CCDC200: variants seen among roughly 807,000 people sequenced by gnomAD.
CCDC200 encodes coiled-coil domain-containing protein 200.
chr17:43,227,512 T>A (rs1454650865), intron 1 of CCDC200, among the ~76,000 whole-genome samples: 1 of 151,664 alleles, frequency 6.6e-6, no homozygotes, highest in African/African-American at 2.4e-5. Flanking sequence ...TGAGACAGAG[T>A]CTCACTCTGT....
intron 3 of CCDC200, among the ~76,000 whole-genome samples, chr17:43,222,046 C>T (rs2154582700): frequency 6.6e-6 from 1 of 151,950 alleles, no homozygotes; most frequent in African/African-American, 2.4e-5. Context: ...AGGTGGAGTG[C>T]AGCTGAGATC....
chr17:43,221,769 C>A (rs2057535170), intron 3 of CCDC200, among the ~76,000 whole-genome samples, 172 bp from the exon 4 acceptor site: 1 of 152,150 alleles, frequency 6.6e-6, no homozygotes, highest in African/African-American at 2.4e-5. Context: ...TCAGAGACAC[C>A]TTTCCAATGC....
At chr17:43,224,617 C>G (rs1345594323) in intron 1 of CCDC200, 68 bp from the exon 2 acceptor site, 1 of 152,700 alleles carries the variant, frequency 6.5e-6, no homozygotes, top group Non-Finnish European at 1.5e-5. Context: ...GCCAGAGAAA[C>G]TTCAGGGAAC....
intron 3 of CCDC200, among the ~76,000 whole-genome samples, chr17:43,223,246 A>ATTTTTTTTTTT (rs1382906549): frequency 2.1e-3 from 175 of 84,752 alleles, no homozygotes; most frequent in South Asian, 3.9e-3. Flanking sequence ...ATTTTTTTCA[A>ATTTTTTTTTTT]TTTTTTTTTT....
At chr17:43,221,964 A>G (rs2057536649) in intron 3 of CCDC200, among the ~76,000 whole-genome samples, 1 of 151,936 alleles carries the variant, frequency 6.6e-6, no homozygotes, top group Non-Finnish European at 1.5e-5. Flanking sequence ...GCGTGGTGGT[A>G]CATGCCTGTA....
chr17:43,225,661 TAA>T (rs1295343254), intron 1 of CCDC200, among the ~76,000 whole-genome samples: 4 of 20,186 alleles, frequency 2.0e-4, no homozygotes, highest in Non-Finnish European at 3.6e-4. Flanking sequence ...AGACTCCGTC[TAA>T]AAAAAAAAAA....
rs1133320 is a variant in CCDC200, at chr17:43,223,574, A to G, written c.462T>C (p.Thr154=). ...ATCTTACCTTGAGTTGTGAATACCCAGTGTTTCTGATGGGGCTAGATTGGC... is the reference window on the plus strand; with the variant it reads ...ATCTTACCTTGAGTTGTGAATACCCGGTGTTTCTGATGGGGCTAGATTGGC... ...NPCQSSPIRN[T]GYSQLKSTNY... The change falls in exon 3 of 4, where the codon ACT becomes ACC. Residue 154 remains threonine (T), a synonymous_variant. Coordinates refer to ENST00000636331, the MANE Select transcript of CCDC200 (RefSeq NM_001363254.2). The G allele has an allele frequency of 0.32, 48,031 of 151,458 alleles. 7,975 individuals carry two copies. The highest frequency in any genetic ancestry group is 0.49 in the South Asian group (2,360 of 4,776). 9.4% of individuals were successfully genotyped at this position (151,458 alleles called of 1,614,324 possible). A position where few individuals can be genotyped will look rare whatever the true frequency, so the allele number is the denominator to read the frequency against.
chr17:43,224,083 G>A (rs1301523382), intron 2 of CCDC200, 151 bp downstream of exon 2: 1 of 152,640 alleles, frequency 6.6e-6, no homozygotes, highest in East Asian at 1.9e-4. Flanking sequence ...TACAGGGCCG[G>A]GATGGAAGCA....
At chr17:43,223,885 CCT>C (rs962899277) in intron 2 of CCDC200, 5 of 152,410 alleles carry the variant, frequency 3.3e-5, no homozygotes, top group African/African-American at 1.2e-4. Context: ...ACCCCCACCT[CCT>C]CTGTCACGCT....
chr17:43,223,165 C>T (rs1003111438), intron 3 of CCDC200, among the ~76,000 whole-genome samples: 3 of 151,752 alleles, frequency 2.0e-5, no homozygotes, highest in Non-Finnish European at 4.4e-5. Flanking sequence ...GATCCTCTCA[C>T]CTTGATCTCC....
At chr17:43,222,551 C>CGCTGAGCAATAGGCCATCCAT (rs1385239285) in intron 3 of CCDC200, among the ~76,000 whole-genome samples, 4 of 151,456 alleles carry the variant, frequency 2.6e-5, no homozygotes, top group Non-Finnish European at 4.4e-5. Context: ...TTATGGATAG[C>CGCTGAGCAATAGGCCATCCAT]GCTGAGCAAT....
upstream of CCDC200, among the ~76,000 whole-genome samples, chr17:43,230,655 T>G (rs796939626): frequency 3.7e-5 from 1 of 27,176 alleles, no homozygotes; most frequent in African/African-American, 7.9e-5. Context: ...CCAGCCTGGG[T>G]GACAGAGCAA....
At chr17:43,230,681 A>G, upstream of CCDC200, among the ~76,000 whole-genome samples, 1 of 10,466 alleles carries the variant, frequency 9.6e-5, no homozygotes, top group East Asian at 0.17. Context: ...TGTCTCTGAA[A>G]AAAAAAAAAA....
intron 1 of CCDC200, among the ~76,000 whole-genome samples, chr17:43,225,659 T>TC (rs2057562071): frequency 2.2e-5 from 1 of 44,794 alleles, no homozygotes; most frequent in Non-Finnish European, 8.7e-5. Context: ...TGAGACTCCG[T>TC]CTAAAAAAAA....
At chr17:43,222,502 C>T (rs550809651) in intron 3 of CCDC200, among the ~76,000 whole-genome samples, 55 of 152,118 alleles carry the variant, frequency 3.6e-4, no homozygotes, top group Non-Finnish European at 6.8e-4. Context: ...ATTCAGTCCT[C>T]ATGCCACCTC....
intron 3 of CCDC200, among the ~76,000 whole-genome samples, chr17:43,222,950 G>A (rs1386802432): frequency 1.3e-5 from 2 of 151,826 alleles, no homozygotes; most frequent in African/African-American, 4.8e-5. Context: ...TGTATTTTTA[G>A]TAGAGATGGG....
chr17:43,221,677 A>G (rs1476927729), intron 3 of CCDC200, 80 bp from the exon 4 acceptor site: 2 of 152,658 alleles, frequency 1.3e-5, no homozygotes, highest in Non-Finnish European at 2.9e-5. Flanking sequence ...CCTTGAGTCC[A>G]GAGGAATCAA....
At chr17:43,231,159 G>A (rs1250855854), upstream of CCDC200, among the ~76,000 whole-genome samples, 3 of 102,082 alleles carry the variant, frequency 2.9e-5, 1 homozygote, top group Non-Finnish European at 7.9e-5. Context: ...ATGCCACAGA[G>A]AAAAGACTTT....
chr17:43,221,701 A>G (rs1268086192), intron 3 of CCDC200, 104 bp from the exon 4 acceptor site: 1 of 152,662 alleles, frequency 6.6e-6, no homozygotes, highest in Non-Finnish European at 1.5e-5. Context: ...GAAATGTAGC[A>G]GCCCACTCTT....
Sources: gnomAD v4.1 joint callset for allele counts (sites outside exome capture counted in the v4.1 genomes callset) on GRCh38, gnomAD v4.1.1 for gene constraint, MANE v1.5 for transcripts, NCBI Gene and HGNC (gene_info 2026-07-23, HGNC 2026-07-21) for gene names.